The following TLCD4 variants were observed in gnomAD, a reference collection of about 807,000 sequenced individuals.
TLCD4 encodes the protein TLC domain-containing protein 4.
Under a neutral mutation model 24.2 loss-of-function variants are expected in TLCD4, and 7 were observed. That is an observed-to-expected ratio of 0.29 (90% CI 0.16 to 0.54). The LOEUF (loss-of-function observed/expected upper bound fraction) is 0.54. TLCD4 is among the 20% of genes least tolerant of loss of function. The probability of loss-of-function intolerance (pLI) is 0.95; values close to 1 mark genes in which losing one functional copy is unlikely to be tolerated. For missense variants in TLCD4, 259 were observed against 313.9 expected, an observed-to-expected ratio of 0.82 and a Z score of 1.32; for synonymous variants, 103 against 106.4, an observed-to-expected ratio of 0.97 and a Z score of 0.20.
chr1:95,188,256 C>T (rs572776543), intron 6 of TLCD4, among the ~76,000 whole-genome samples: 100 of 152,056 alleles, frequency 6.6e-4, no homozygotes, highest in African/African-American at 2.0e-3. Context: ...GGCATGGTGG[C>T]GGGCGCCTGT....
At chr1:95,099,052 T>TGAAAAAAAAA in the TLCD4 span, among the ~76,000 whole-genome samples, 1 of 5,112 alleles carries the variant, frequency 2.0e-4, no homozygotes. Context: ...AAACTCTGTC[T>TGAAAAAAAAA]CAAAAAAAAA....
chr1:95,101,481 C>T, the TLCD4 span, among the ~76,000 whole-genome samples: 1 of 145,652 alleles, frequency 6.9e-6, no homozygotes, highest in East Asian at 2.0e-4. Flanking sequence ...CTATGTCACT[C>T]AGGCTGGTCT....
chr1:95,111,095 C>A, the TLCD4 span, among the ~76,000 whole-genome samples: 1 of 150,940 alleles, frequency 6.6e-6, no homozygotes, highest in African/African-American at 2.4e-5. Context: ...TATTTGAGAC[C>A]AGCCTAGGCA....
intron 6 of TLCD4, among the ~76,000 whole-genome samples, chr1:95,187,374 A>G (rs1678863530): frequency 2.6e-5 from 4 of 152,098 alleles, no homozygotes; most frequent in Admixed American, 2.6e-4. Context: ...ATTTAGTTTC[A>G]TGTCTGCTTA....
the TLCD4 span, among the ~76,000 whole-genome samples, chr1:95,094,371 G>T: frequency 6.6e-6 from 1 of 151,832 alleles, no homozygotes; most frequent in East Asian, 1.9e-4. Context: ...CTGGGCTCAA[G>T]TGATCCTCCT....
At chr1:95,160,816 G>A (rs1280020851) in intron 5 of TLCD4, among the ~76,000 whole-genome samples, 6 of 152,264 alleles carry the variant, frequency 3.9e-5, no homozygotes, top group Non-Finnish European at 5.9e-5. Context: ...ATTGGTTTAC[G>A]TATGTTGAAC....
At chr1:95,129,071 G>T (rs1299411920) in intron 1 of TLCD4, among the ~76,000 whole-genome samples, 1 of 152,170 alleles carries the variant, frequency 6.6e-6, no homozygotes, top group Non-Finnish European at 1.5e-5. Context: ...CTAATCTAAT[G>T]TCTGTGGTTG....
At chr1:95,113,981 C>G (rs1676385916), upstream of TLCD4, among the ~76,000 whole-genome samples, 1 of 152,134 alleles carries the variant, frequency 6.6e-6, no homozygotes. Flanking sequence ...CTCACCCACC[C>G]AGAAATAACC....
chr1:95,135,671 T>C (rs1453190645), intron 1 of TLCD4, among the ~76,000 whole-genome samples: 1 of 152,110 alleles, frequency 6.6e-6, no homozygotes, highest in Non-Finnish European at 1.5e-5. Context: ...GTGCTGAGAT[T>C]ACAGGTGTGA....
At chr1:95,173,927 C>G (rs751082160) in intron 6 of TLCD4, 38 bp downstream of exon 6, 19 of 1,611,826 alleles carry the variant, frequency 1.2e-5, no homozygotes, top group Non-Finnish European at 1.6e-5. Flanking sequence ...TAAAGTCATG[C>G]TGTTTATTTT....
chr1:95,104,469 G>C, the TLCD4 span, among the ~76,000 whole-genome samples: 1 of 151,538 alleles, frequency 6.6e-6, no homozygotes, highest in Admixed American at 6.6e-5. Flanking sequence ...TCGAGACCAT[G>C]CTGGCTAACA....
At chr1:95,179,820 G>A (rs1381378116) in intron 6 of TLCD4, among the ~76,000 whole-genome samples, 1 of 152,094 alleles carries the variant, frequency 6.6e-6, no homozygotes, top group Non-Finnish European at 1.5e-5. Context: ...TCTCACACCA[G>A]CTTGTCCATC....
chr1:95,189,306 A>AC (rs1342181863), intron 6 of TLCD4, among the ~76,000 whole-genome samples: 1 of 152,060 alleles, frequency 6.6e-6, no homozygotes, highest in Non-Finnish European at 1.5e-5. Flanking sequence ...ACCTCTTTCT[A>AC]CCTTACTCCT....
intron 5 of TLCD4, among the ~76,000 whole-genome samples, chr1:95,159,339 A>G (rs1166055735): frequency 2.0e-5 from 3 of 152,094 alleles, no homozygotes; most frequent in Non-Finnish European, 2.9e-5. Context: ...TCCTTTGGCC[A>G]CTTTTTGATT....
intron 1 of TLCD4, among the ~76,000 whole-genome samples, chr1:95,136,077 C>T (rs888147525): frequency 5.3e-5 from 8 of 151,686 alleles, no homozygotes; most frequent in African/African-American, 1.9e-4. Flanking sequence ...ATCTTGTTCC[C>T]AAGCTAACAT....
At chr1:95,129,690 C>G (rs755311484) in intron 1 of TLCD4, among the ~76,000 whole-genome samples, 1 of 152,152 alleles carries the variant, frequency 6.6e-6, no homozygotes, top group Non-Finnish European at 1.5e-5. Context: ...TGCAGTGAAC[C>G]GAGATCGTGC....
chr1:95,149,818 T>C (rs1677442300), intron 3 of TLCD4, among the ~76,000 whole-genome samples: 1 of 152,218 alleles, frequency 6.6e-6, no homozygotes, highest in South Asian at 2.1e-4. Flanking sequence ...TTGAATTTTA[T>C]GTCATGATTT....
chr1:95,188,138 A>G (rs1031596724), intron 6 of TLCD4, among the ~76,000 whole-genome samples: 2 of 152,174 alleles, frequency 1.3e-5, no homozygotes, highest in African/African-American at 2.4e-5. Flanking sequence ...CTGTAATCCC[A>G]GCACTTTGGG....
intron 6 of TLCD4, among the ~76,000 whole-genome samples, chr1:95,177,005 C>G (rs561851590): frequency 6.0e-4 from 92 of 152,144 alleles, no homozygotes; most frequent in African/African-American, 2.1e-3. Flanking sequence ...CCAGATACAC[C>G]TTCTCTCAGT....
Sources: gnomAD v4.1 joint callset for allele counts (sites outside exome capture counted in the v4.1 genomes callset) on GRCh38, gnomAD v4.1.1 for gene constraint, MANE v1.5 for transcripts, NCBI Gene and HGNC (gene_info 2026-07-23, HGNC 2026-07-21) for gene names.